SGF29: variants seen among roughly 807,000 people sequenced by gnomAD.
SGF29 encodes SAGA-associated factor 29.
SGF29 carries 15 observed loss-of-function variants against 38.1 expected under a neutral mutation model. That is an observed-to-expected ratio of 0.39 (90% CI 0.26 to 0.61). The LOEUF (loss-of-function observed/expected upper bound fraction) is 0.61. Ranked by LOEUF, SGF29 falls within the 20% of genes least tolerant of loss-of-function variation. SGF29 has a pLI of 0.49. For missense variants in SGF29, 184 were observed against 394.6 expected (o/e 0.47, Z 4.52); for synonymous variants, 151 against 160.8 (o/e 0.94, Z 0.46).
intron 5 of SGF29, among the ~76,000 whole-genome samples, chr16:28,589,646 G>T (rs552085130): frequency 6.6e-6 from 1 of 152,318 alleles, no homozygotes; most frequent in South Asian, 2.1e-4. Context: ...AGTCAAGTGG[G>T]GTGTCCAGCT....
chr16:28,568,650 C>T (rs1200218871), intron 1 of SGF29, among the ~76,000 whole-genome samples: 1 of 152,064 alleles, frequency 6.6e-6, no homozygotes, highest in Non-Finnish European at 1.5e-5. Context: ...AGCAGTGGCT[C>T]ACGCCTGTAA....
chr16:28,582,223 G>A (rs1332838611), intron 2 of SGF29, among the ~76,000 whole-genome samples: 1 of 152,186 alleles, frequency 6.6e-6, no homozygotes. Flanking sequence ...AGTCTGAAAG[G>A]TTACGTGCTG....
intron 1 of SGF29, among the ~76,000 whole-genome samples, chr16:28,577,957 T>C (rs912391257): frequency 1.6e-4 from 25 of 152,198 alleles, no homozygotes; most frequent in Non-Finnish European, 1.2e-4. Flanking sequence ...TTCTATTCCA[T>C]TGAACTAGAT....
At chr16:28,585,783 C>T in intron 4 of SGF29, 63 bp downstream of exon 4, 1 of 1,471,884 alleles carries the variant, frequency 6.8e-7, no homozygotes, top group East Asian at 2.3e-5. Context: ...GCTGCAGGTC[C>T]ATTTGGACCA....
intron 1 of SGF29, among the ~76,000 whole-genome samples, chr16:28,578,684 TAAAA>T (rs11300836): frequency 7.2e-6 from 1 of 138,980 alleles, no homozygotes; most frequent in Non-Finnish European, 1.5e-5. Flanking sequence ...TGAACAACTT[TAAAA>T]AAAAAAAAAA....
At chr16:28,572,238 A>G (rs1816708704) in intron 1 of SGF29, among the ~76,000 whole-genome samples, 1 of 151,666 alleles carries the variant, frequency 6.6e-6, no homozygotes, top group Non-Finnish European at 1.5e-5. Context: ...AGCCTCCCTA[A>G]GTGCTGGGAT....
chr16:28,559,988 A>C (rs937676179), intron 1 of SGF29, among the ~76,000 whole-genome samples: 20 of 152,244 alleles, frequency 1.3e-4, no homozygotes, highest in Admixed American at 7.2e-4. Context: ...TAAACCCAGC[A>C]CAGCACTTTG....
At chr16:28,583,146 G>A (rs888745892) in intron 2 of SGF29, among the ~76,000 whole-genome samples, 1 of 152,244 alleles carries the variant, frequency 6.6e-6, no homozygotes, top group South Asian at 2.1e-4. Flanking sequence ...GGCACCCAGT[G>A]TAACTGACCT....
At chr16:28,591,073 C>A (rs755274598) in intron 9 of SGF29, 138 bp downstream of exon 9, 502 of 1,116,998 alleles carry the variant, frequency 4.5e-4, no homozygotes, top group Admixed American at 1.0e-3. Context: ...CAGCTGCCCT[C>A]CCTCTTCCAC....
Position 28,590,160 on chromosome 16 carries a change from G to A in SGF29, c.354G>A (p.Val118=). ...CCCGGAAGACCATGCGCAGAGGGGT[G>A]CTGATGACCCTGCTGCAGCAGTCGG... ...EPPRKTMRRG[V]LMTLLQQSAM... Residue 118 remains valine (V), a synonymous_variant, in exon 6 of 10, where the codon GTG becomes GTA. Coordinates refer to ENST00000317058, the MANE Select transcript of SGF29 (RefSeq NM_138414.3). This position sits in a 1 kb window ranked among gnomAD's most constrained non-coding sequence, Gnocchi z 8.2. 1 of 1,611,586 alleles carries A rather than the reference G, an allele frequency of 6.2e-7. No individual in the cohort carries two copies. The highest frequency in any genetic ancestry group is 8.5e-7 in the Non-Finnish European group (1 of 1,179,190).
chr16:28,580,896 G>T (rs2046921028), intron 1 of SGF29, among the ~76,000 whole-genome samples, 159 bp from the exon 2 acceptor site: 1 of 152,126 alleles, frequency 6.6e-6, no homozygotes, highest in East Asian at 1.9e-4. Context: ...GCCCAGGCTG[G>T]TCTTGAACTC....
intron 1 of SGF29, among the ~76,000 whole-genome samples, chr16:28,571,349 A>C (rs1473810472): frequency 6.6e-6 from 1 of 151,944 alleles, no homozygotes; most frequent in East Asian, 1.9e-4. Context: ...ATCTCAGCAC[A>C]TTGGGAAGCC....
rs1491120937 is a variant in SGF29 at position 28,564,635 on chromosome 16, G to GTA, written c.-16+10544_-16+10545dup. Among the ~76,000 whole-genome samples the GTA allele has an allele frequency of 6.8e-4, 61 of 90,016 alleles. 3 individuals are homozygous for GTA. The highest frequency in any genetic ancestry group is 4.3e-3 in the East Asian group (18 of 4,202). 59.1% of individuals were successfully genotyped at this position (90,016 alleles called of 152,430 possible). A position where few individuals can be genotyped will look rare whatever the true frequency, so the allele number is the denominator to read the frequency against. On this transcript the variant is annotated intron_variant, in intron 1 of 9. Coordinates refer to ENST00000317058, the MANE Select transcript of SGF29 (RefSeq NM_138414.3). ...TATATACATATATGCATATATATAC[G>GTA]TATATATGTGTATATATACGTATAT... is the stretch of plus-strand genomic sequence containing the variant.
Position 28,590,340 on chromosome 16 carries a change from T to C in SGF29, c.464T>C (p.Val155Ala). 1.2e-6 allele frequency: 2 copies of C among 1,613,292 alleles called. No homozygotes were observed. Among genetic ancestry groups the C allele is most frequent in the Non-Finnish European group, 1.7e-6 (2 of 1,179,610 alleles). ...CGAIPASGDYVARPGDKVAAR... is the reference protein window; with the variant it reads ...CGAIPASGDYAARPGDKVAAR... ...GCCATCCCTGCCTCAGGAGACTACG[T>C]GGCCAGACCTGGAGACAAGGTGGCT... Residue 155 changes from valine (V) to alanine (A), a missense_variant, in exon 7 of 10, where the codon GTG becomes GCG. This residue lies in a region of SGF29 where 107 missense variants were observed against 276.9 expected (regional missense o/e 0.39). Coordinates refer to ENST00000317058, the MANE Select transcript of SGF29 (RefSeq NM_138414.3). This position sits in a 1 kb window ranked among gnomAD's most constrained non-coding sequence, Gnocchi z 8.2.
intron 1 of SGF29, among the ~76,000 whole-genome samples, chr16:28,554,338 T>A (rs1290341533): frequency 1.3e-5 from 2 of 151,644 alleles, no homozygotes; most frequent in Non-Finnish European, 2.9e-5. Context: ...CTTGCGTGCT[T>A]CCATCCCCGG....
intron 2 of SGF29, among the ~76,000 whole-genome samples, chr16:28,583,576 T>C (rs1316983672): frequency 2.0e-5 from 3 of 152,226 alleles, no homozygotes; most frequent in African/African-American, 7.2e-5. Flanking sequence ...AGCATAGTCA[T>C]AATTTCTTTC....
intron 5 of SGF29, among the ~76,000 whole-genome samples, chr16:28,589,839 C>T (rs2046976942): frequency 6.6e-6 from 1 of 152,188 alleles, no homozygotes; most frequent in African/African-American, 2.4e-5. Flanking sequence ...CTGAACAGCA[C>T]CTTGGAACCC....
At chr16:28,559,726 C>T (rs1025181805) in intron 1 of SGF29, among the ~76,000 whole-genome samples, 6 of 152,264 alleles carry the variant, frequency 3.9e-5, no homozygotes, top group African/African-American at 1.4e-4. Flanking sequence ...ACTAGACAAA[C>T]ATGGGGCATA....
rs146404737 is a variant in SGF29, at chr16:28,567,366, T to A, written c.-16+13269T>A. Among the ~76,000 whole-genome samples, 307 of 152,324 alleles carry A rather than the reference T, an allele frequency of 2.0e-3. 1 individual carries two copies. Among genetic ancestry groups the A allele is most frequent in the African/African-American group, 6.7e-3 (280 of 41,582 alleles). On this transcript the variant is annotated intron_variant, in intron 1 of 9. Coordinates refer to ENST00000317058, the MANE Select transcript of SGF29 (RefSeq NM_138414.3). Reference sequence around the variant, plus strand: ...AAGCACAGAGCAAGCCCTCACCAGATGCCGAATCTGCTGGCACCATGATCA... The same window carrying A: ...AAGCACAGAGCAAGCCCTCACCAGAAGCCGAATCTGCTGGCACCATGATCA...
Sources: gnomAD v4.1 joint callset for allele counts (sites outside exome capture counted in the v4.1 genomes callset) on GRCh38, gnomAD v4.1.1 for gene constraint, gnomAD v4.1.1 regional missense constraint, Gnocchi (gnomAD v3.1) non-coding constraint, MANE v1.5 for transcripts, NCBI Gene and HGNC (gene_info 2026-07-23, HGNC 2026-07-21) for gene names.